The following RAB5C variants were observed in gnomAD, a reference collection of about 807,000 sequenced individuals.
RAB5C encodes ras-related protein Rab-5C.
Under a neutral mutation model 25.2 loss-of-function variants are expected in RAB5C, and 4 were observed. That is an observed-to-expected ratio of 0.16 (90% CI 0.08 to 0.36). The LOEUF (loss-of-function observed/expected upper bound fraction) is 0.36, where lower values mean the gene tolerates loss of function less well. Among genes scored for constraint, RAB5C ranks in the 10% least tolerant of loss-of-function variants. The pLI, the probability that RAB5C is intolerant of heterozygous loss-of-function variation, is 1.00. For missense variants in RAB5C, 199 were observed against 283.8 expected (o/e 0.70, Z 2.15); for synonymous variants, 100 against 106.4 (o/e 0.94, Z 0.37).
chr17:42,131,827 A>G (rs1177918488), intron 1 of RAB5C: 2 of 530,750 alleles, frequency 3.8e-6, no homozygotes, highest in Non-Finnish European at 6.8e-6. Context: ...AAGCCTCTAG[A>G]AGACATAAGT....
intron 1 of RAB5C, among the ~76,000 whole-genome samples, chr17:42,138,882 C>T (rs1394580064): frequency 1.3e-5 from 2 of 152,220 alleles, no homozygotes; most frequent in Non-Finnish European, 2.9e-5. Context: ...GCAGCCCTTT[C>T]CCTTGTGTGG....
At chr17:42,126,631 CAAAAAAAAAAAAA>C (rs71357528) in intron 5 of RAB5C, 111 bp downstream of exon 5, 32 of 84,548 alleles carry the variant, frequency 3.8e-4, no homozygotes, top group African/African-American at 1.1e-3. Flanking sequence ...GACTCCATCT[CAAAAAAAAAAAAA>C]AAAAAAAAAA....
At position 42,125,684 on chromosome 17, in the gene RAB5C, C is replaced by A. The variant is rs782227417; in HGVS notation, c.*99G>T. On this transcript the variant is annotated 3_prime_UTR_variant, in exon 6 of 6. Transcript: ENST00000346213. ...ATGGTGGACCCCTCCCCCTGCCCCC[C>A]CAGTGGTGGCCCGAGTCGTTAAGTG... The A allele has an allele frequency of 1.1e-5, 9 of 790,870 alleles. No homozygotes were observed. Among genetic ancestry groups the A allele is most frequent in the South Asian group, 1.7e-5 (1 of 59,984 alleles). 49.0% of individuals were successfully genotyped at this position (790,870 alleles called of 1,614,324 possible). A position where few individuals can be genotyped will look rare whatever the true frequency, so the allele number is the denominator to read the frequency against.
chr17:42,131,816 G>A, intron 1 of RAB5C: 2 of 537,502 alleles, frequency 3.7e-6, no homozygotes, highest in South Asian at 4.3e-5. Flanking sequence ...CCTATCTCTA[G>A]AAGCCTCTAG....
At chr17:42,147,633 G>A (rs1312321949) in intron 1 of RAB5C, among the ~76,000 whole-genome samples, 1 of 152,218 alleles carries the variant, frequency 6.6e-6, no homozygotes, top group South Asian at 2.1e-4. Context: ...CATCCGTACT[G>A]TAACATTGAT....
chr17:42,147,068 A>G (rs550377974), intron 1 of RAB5C, among the ~76,000 whole-genome samples: 127 of 147,404 alleles, frequency 8.6e-4, no homozygotes, highest in African/African-American at 3.3e-3. Context: ...GAAAGAAAGA[A>G]AGAAAAAGAA....
At chr17:42,152,958 G>A (rs1414974706) in intron 1 of RAB5C, among the ~76,000 whole-genome samples, 1 of 152,180 alleles carries the variant, frequency 6.6e-6, no homozygotes, top group Non-Finnish European at 1.5e-5. Flanking sequence ...GAGCAGTCAG[G>A]CCTCTCTGGC....
Position 42,128,725 on chromosome 17 carries a change from T to C in RAB5C, c.242A>G (p.Glu81Gly). The C allele has an allele frequency of 6.3e-7, 1 of 1,586,498 alleles. No homozygotes were observed. The highest frequency in any genetic ancestry group is 8.6e-7 in the Non-Finnish European group (1 of 1,166,946). The change falls in exon 3 of 6, where the codon GAG becomes GGG. Residue 81 changes from glutamate (E) to glycine (G), a missense_variant. Transcript: ENST00000346213. The part of the protein sequence containing the change: ...KFEIWDTAGQ[E>G]RYHSLAPMYY... ...CATGGGGGCCAGGCTGTGATACCGC[T>C]CCTGTCCAGCTGTGTCCCAGATCTC...
intron 1 of RAB5C, among the ~76,000 whole-genome samples, chr17:42,147,144 A>AAGAG (rs572493429): frequency 0.011 from 1,068 of 99,658 alleles, 16 homozygotes; most frequent in East Asian, 0.056. Flanking sequence ...GAAAGAAAGA[A>AAGAG]AGAGAGAGAG....
intron 2 of RAB5C, among the ~76,000 whole-genome samples, chr17:42,129,985 G>A (rs918438944): frequency 1.3e-5 from 2 of 152,188 alleles, no homozygotes; most frequent in African/African-American, 2.4e-5. Flanking sequence ...CAGGGCACAT[G>A]GACCACCCAT....
At chr17:42,130,281 A>C in intron 2 of RAB5C, 56 bp downstream of exon 2, 1 of 1,547,300 alleles carries the variant, frequency 6.5e-7, no homozygotes, top group East Asian at 2.3e-5. Context: ...CCTCAAGGTC[A>C]AAGCATTTCT....
intron 1 of RAB5C, among the ~76,000 whole-genome samples, chr17:42,133,280 G>C (rs1217529531): frequency 6.6e-6 from 1 of 152,154 alleles, no homozygotes; most frequent in African/African-American, 2.4e-5. Context: ...AATGGACTGG[G>C]AGATGGTAAT....
chr17:42,142,161 T>C (rs1598254037), intron 1 of RAB5C, among the ~76,000 whole-genome samples: 1 of 117,006 alleles, frequency 8.5e-6, no homozygotes, highest in East Asian at 2.1e-4. Context: ...AACCATAACC[T>C]CTTAAAAAAA....
At chr17:42,139,513 A>G (rs1460824533) in intron 1 of RAB5C, among the ~76,000 whole-genome samples, 2 of 152,142 alleles carry the variant, frequency 1.3e-5, no homozygotes, top group African/African-American at 4.8e-5. Flanking sequence ...CCCAGGTTGG[A>G]GTGCAGTGGC....
At chr17:42,149,707 G>A (rs1007033191) in intron 1 of RAB5C, among the ~76,000 whole-genome samples, 5 of 152,134 alleles carry the variant, frequency 3.3e-5, no homozygotes, top group African/African-American at 1.2e-4. Flanking sequence ...AAGTAAAACT[G>A]AAGTGGCACA....
chr17:42,137,293 G>A (rs1425159948), intron 1 of RAB5C, among the ~76,000 whole-genome samples: 14 of 148,862 alleles, frequency 9.4e-5, no homozygotes, highest in East Asian at 5.9e-4. Flanking sequence ...ACAACAGAGC[G>A]AGACACTGTC....
At position 42,128,994 on chromosome 17, in the gene RAB5C, G is replaced by C. The variant is rs529626426; in HGVS notation, c.167-194C>G. On this transcript the variant is annotated intron_variant, in intron 2 of 5. Transcript: ENST00000346213. ...TTTTATGTATGTGTCTGGGGGACGG[G>C]GTCTGCACAGGCTTTGCAGACCCAG... Among the ~76,000 whole-genome samples, 7 of 152,082 alleles carry C rather than the reference G, an allele frequency of 4.6e-5. No individual in the cohort carries two copies. The South Asian group carries it at 1.5e-3, about 32-fold the overall frequency.
chr17:42,145,870 C>T (rs1479124579), intron 1 of RAB5C, among the ~76,000 whole-genome samples: 3 of 152,198 alleles, frequency 2.0e-5, no homozygotes, highest in African/African-American at 7.2e-5. Flanking sequence ...CACAGTGACA[C>T]GATGTTGGCT....
At chr17:42,128,534 C>T in intron 3 of RAB5C, 115 bp downstream of exon 3, 1 of 422,886 alleles carries the variant, frequency 2.4e-6, no homozygotes. Flanking sequence ...GAAATCTGCC[C>T]ACCCCCCACC....
Sources: allele counts gnomAD v4.1 joint callset (sites outside exome capture counted in the v4.1 genomes callset), GRCh38; gene constraint gnomAD v4.1.1; transcripts MANE v1.5; gene names NCBI Gene and HGNC (gene_info 2026-07-23, HGNC 2026-07-21).